Variants in INSL6 observed in about 807,000 individuals in gnomAD.
INSL6 encodes insulin like 6, also known as insulin-like peptide INSL6.
Under a neutral mutation model 9.4 loss-of-function variants are expected in INSL6, and 16 were observed. That is an observed-to-expected ratio of 1.70 (90% CI 1.15 to 2.59). INSL6 has a LOEUF of 2.59. INSL6 is among the 30% of genes most tolerant of loss of function. INSL6 has a pLI of 0.00. For synonymous variants in INSL6, 154 were observed against 96.9 expected (o/e 1.59, Z -3.46); for missense variants, 391 against 257.3 (o/e 1.52, Z -3.56).
chr9:5,178,549 G>C (rs1025404864), intron 1 of INSL6, among the ~76,000 whole-genome samples: 1 of 152,194 alleles, frequency 6.6e-6, no homozygotes. Context: ...AAGTTCCTGT[G>C]GGGAGGGGCA....
At chr9:5,041,112 C>G in the INSL6 span, 1 of 820,142 alleles carries the variant, frequency 1.2e-6, no homozygotes, top group East Asian at 2.6e-5. Flanking sequence ...TCGACCTTCA[C>G]GCCCAAGACG....
the INSL6 span, chr9:5,029,652 G>C: frequency 1.4e-6 from 1 of 738,072 alleles, no homozygotes; most frequent in Non-Finnish European, 2.1e-6. Context: ...TATATCAAAA[G>C]ATTTCGACTG....
chr9:5,157,679 A>T (rs143219549), intron 2 of INSL6, among the ~76,000 whole-genome samples: 1 of 152,330 alleles, frequency 6.6e-6, no homozygotes, highest in African/African-American at 2.4e-5. Flanking sequence ...TTTAAGTGAA[A>T]CACCCAAGTT....
chr9:5,053,879 T>C, the INSL6 span, among the ~76,000 whole-genome samples: 4 of 151,948 alleles, frequency 2.6e-5, no homozygotes, highest in East Asian at 3.8e-4. Flanking sequence ...AGATGGATGA[T>C]TGGAAGAAAG....
chr9:5,085,482 C>G, the INSL6 span: 2 of 723,810 alleles, frequency 2.8e-6, no homozygotes, highest in East Asian at 5.4e-5. Flanking sequence ...ATCTCTCATG[C>G]TCATTTTCTT....
At chr9:5,024,379 A>G in the INSL6 span, among the ~76,000 whole-genome samples, 1 of 152,186 alleles carries the variant, frequency 6.6e-6, no homozygotes, top group African/African-American at 2.4e-5. Context: ...ATAATAGAAA[A>G]GAACAAAAAA....
intron 1 of INSL6, among the ~76,000 whole-genome samples, chr9:5,182,754 A>G (rs1340473435): frequency 6.6e-6 from 1 of 152,208 alleles, no homozygotes; most frequent in Non-Finnish European, 1.5e-5. Flanking sequence ...TTGAAACATT[A>G]ATGATTTCAC....
chr9:5,152,573 T>C (rs1349601456), intron 2 of INSL6, among the ~76,000 whole-genome samples: 2 of 152,144 alleles, frequency 1.3e-5, no homozygotes, highest in Admixed American at 6.5e-5. Context: ...GATGCTTCTA[T>C]TTAAAAAGAA....
the INSL6 span, chr9:5,094,464 C>T: frequency 1.3e-5 from 2 of 152,102 alleles, no homozygotes; most frequent in South Asian, 2.1e-4. Flanking sequence ...ATGTACTGAT[C>T]GGCACACTAC....
At chr9:5,020,822 G>A in the INSL6 span, among the ~76,000 whole-genome samples, 1 of 152,144 alleles carries the variant, frequency 6.6e-6, no homozygotes, top group South Asian at 2.1e-4. Context: ...GGTGGAGGAT[G>A]TCAGTGGGGC....
At chr9:5,173,788 AAG>A (rs1463493309) in intron 1 of INSL6, among the ~76,000 whole-genome samples, 1 of 152,064 alleles carries the variant, frequency 6.6e-6, no homozygotes, top group Non-Finnish European at 1.5e-5. Flanking sequence ...AAAAAAAAAA[AAG>A]AATGAAAGGG....
At chr9:5,112,501 G>A in the INSL6 span, 1 of 564,838 alleles carries the variant, frequency 1.8e-6, no homozygotes, top group East Asian at 3.2e-5. Flanking sequence ...CGAGGAGGAA[G>A]ATGACCTTTT....
At chr9:5,138,524 T>G (rs1420786306) in intron 2 of INSL6, among the ~76,000 whole-genome samples, 3 of 151,036 alleles carry the variant, frequency 2.0e-5, no homozygotes, top group African/African-American at 7.3e-5. Flanking sequence ...TAAGTGGGAG[T>G]TGAACAATAA....
downstream of INSL6, among the ~76,000 whole-genome samples, chr9:5,121,850 T>C (rs1201028410): frequency 6.6e-6 from 1 of 152,044 alleles, no homozygotes; most frequent in Admixed American, 6.6e-5. Context: ...GTGCGGGAAA[T>C]TACAATGAGT....
At chr9:5,130,724 TTA>T (rs1824258914) in intron 3 of INSL6, among the ~76,000 whole-genome samples, 1 of 151,284 alleles carries the variant, frequency 6.6e-6, no homozygotes, top group African/African-American at 2.4e-5. Flanking sequence ...TTTTTATTTT[TTA>T]TTTTTTTTTT....
chr9:5,066,556 T>C, the INSL6 span: 8 of 621,898 alleles, frequency 1.3e-5, no homozygotes, highest in African/African-American at 9.5e-5. Flanking sequence ...TTGCTAAACA[T>C]ATAAAGTAGA....
At chr9:5,082,510 G>A in the INSL6 span, among the ~76,000 whole-genome samples, 1 of 152,180 alleles carries the variant, frequency 6.6e-6, no homozygotes, top group East Asian at 1.9e-4. Context: ...TTTATACCGA[G>A]GCATTCAGTT....
chr9:5,177,315 G>C (rs1825332007), intron 1 of INSL6, among the ~76,000 whole-genome samples: 1 of 152,182 alleles, frequency 6.6e-6, no homozygotes, highest in Non-Finnish European at 1.5e-5. Context: ...AAGGAAAGTG[G>C]TGAGTGATTG....
chr9:5,126,649 G>T (rs758859180), intron 3 of INSL6: 14 of 1,431,616 alleles, frequency 9.8e-6, no homozygotes, highest in Non-Finnish European at 1.4e-5. Flanking sequence ...GGCCCTTAGT[G>T]TTCATTTAAT....
Sources: allele counts gnomAD v4.1 joint callset (sites outside exome capture counted in the v4.1 genomes callset), GRCh38; gene constraint gnomAD v4.1.1; transcripts MANE v1.5; gene names NCBI Gene and HGNC (gene_info 2026-07-23, HGNC 2026-07-21).